The following MYZAP variants were observed in gnomAD, a reference collection of about 807,000 sequenced individuals.
MYZAP encodes myocardial zonula adherens protein, also known as GRINL1A complex locus upstream.
Under a neutral mutation model 69.4 loss-of-function variants are expected in MYZAP, and 66 were observed. That is an observed-to-expected ratio of 0.95 (90% CI 0.78 to 1.17). MYZAP has a LOEUF of 1.17. MYZAP is among the 50% of genes most tolerant of loss of function. The pLI is 0.00. For synonymous variants in MYZAP, 256 were observed against 205.9 expected, an observed-to-expected ratio of 1.24 and a Z score of -2.09; for missense variants, 611 against 556.2, an observed-to-expected ratio of 1.10 and a Z score of -0.99.
intron 10 of MYZAP, among the ~76,000 whole-genome samples, chr15:57,642,389 A>G (rs1389564555): frequency 6.6e-6 from 1 of 152,208 alleles, no homozygotes; most frequent in Non-Finnish European, 1.5e-5. Context: ...AAAAATCCGG[A>G]GTACTGAATT....
chr15:57,592,765 A>T (rs934103446), intron 1 of MYZAP, among the ~76,000 whole-genome samples: 2 of 152,168 alleles, frequency 1.3e-5, no homozygotes, highest in African/African-American at 4.8e-5. Context: ...TCTTTGTGGC[A>T]TCTTTTCCCA....
rs77509975 is a variant in MYZAP at position 57,603,268 on chromosome 15, C to T, written c.76-1001C>T. On this transcript the variant is annotated intron_variant, in intron 1 of 12. Coordinates refer to ENST00000267853, the MANE Select transcript of MYZAP (RefSeq NM_001018100.5). ...ATTTTCTTCTCCTAAGCCTTTCCAG[C>T]TAACTGTCTTACTTTTAGTCTGTAT... 6.5e-3 allele frequency among the ~76,000 whole-genome samples: 991 copies of T among 152,184 alleles called. 7 individuals are homozygous for T. The highest frequency in any genetic ancestry group is 0.011 in the Non-Finnish European group (753 of 68,022).
chr15:57,634,868 T>C (rs1187175270), intron 8 of MYZAP, among the ~76,000 whole-genome samples: 2 of 152,192 alleles, frequency 1.3e-5, no homozygotes, highest in Admixed American at 6.5e-5. Context: ...ACATTAGTAT[T>C]GACCAGAGGG....
intron 2 of MYZAP, among the ~76,000 whole-genome samples, chr15:57,609,745 G>T (rs1321299345): frequency 6.6e-6 from 1 of 152,200 alleles, no homozygotes; most frequent in African/African-American, 2.4e-5. Flanking sequence ...GGAGGATGCT[G>T]ATTAGTTTGT....
chr15:57,621,061 A>T (rs1481496856), intron 3 of MYZAP, among the ~76,000 whole-genome samples: 1 of 148,056 alleles, frequency 6.8e-6, no homozygotes, highest in Non-Finnish European at 1.5e-5. Context: ...TGTATATAAA[A>T]TATATACATA....
chr15:57,636,691 G>C (rs765376908), intron 8 of MYZAP, among the ~76,000 whole-genome samples: 7 of 152,138 alleles, frequency 4.6e-5, no homozygotes, highest in Non-Finnish European at 1.0e-4. Flanking sequence ...GTTATGACAG[G>C]CACCATGTTT....
chr15:57,643,547 A>G (rs1023931521), intron 10 of MYZAP, among the ~76,000 whole-genome samples: 8 of 152,254 alleles, frequency 5.3e-5, no homozygotes, highest in Non-Finnish European at 1.0e-4. Context: ...CCACAGAGTC[A>G]TTCACACCCT....
chr15:57,593,188 G>GCATGCGCGCGCGCGCGCGCGCGCGCACA lies in MYZAP; in HGVS notation c.75+1081_75+1082insTGCGCGCGCGCGCGCGCGCGCGCACACA. Among the ~76,000 whole-genome samples, 13 of 114,202 alleles carry GCATGCGCGCGCGCGCGCGCGCGCGCACA rather than the reference G, an allele frequency of 1.1e-4. 1 individual carries two copies. Among genetic ancestry groups the GCATGCGCGCGCGCGCGCGCGCGCGCACA allele is most frequent in the Admixed American group, 4.3e-4 (5 of 11,582 alleles). 74.9% of individuals were successfully genotyped at this position (114,202 alleles called of 152,430 possible). A position where few individuals can be genotyped will look rare whatever the true frequency, so the allele number is the denominator to read the frequency against. On this transcript the variant is annotated intron_variant, in intron 1 of 12. Transcript: ENST00000267853. ...AGACACTTAGGTTGTGTACACAGGC[G>GCATGCGCGCGCGCGCGCGCGCGCGCACA]CACACACACACACACACACACACAC...
At chr15:57,649,633 A>G (rs1486776183) in intron 10 of MYZAP, among the ~76,000 whole-genome samples, 1 of 152,180 alleles carries the variant, frequency 6.6e-6, no homozygotes, top group Non-Finnish European at 1.5e-5. Flanking sequence ...GGGTGCCATT[A>G]TCTTCTCCTA....
chr15:57,617,060 A>C (rs75714709), intron 2 of MYZAP, among the ~76,000 whole-genome samples: 2,237 of 151,778 alleles, frequency 0.015, 29 homozygotes, highest in South Asian at 0.045. Context: ...TTGTGGAGGC[A>C]CCTACTCTGT....
intron 2 of MYZAP, among the ~76,000 whole-genome samples, chr15:57,608,739 A>G (rs2034917764): frequency 6.6e-6 from 1 of 152,248 alleles, no homozygotes. Flanking sequence ...TGCCAAAGCC[A>G]GTGGCCCTGG....
At chr15:57,634,616 T>C (rs1244954548) in intron 8 of MYZAP, among the ~76,000 whole-genome samples, 6 of 152,180 alleles carry the variant, frequency 3.9e-5, no homozygotes, top group Non-Finnish European at 8.8e-5. Context: ...GCTAATGGTG[T>C]TTGCAGCATA....
chr15:57,676,058 G>C (rs993936081), intron 12 of MYZAP, among the ~76,000 whole-genome samples: 1 of 152,096 alleles, frequency 6.6e-6, no homozygotes, highest in African/African-American at 2.4e-5. Flanking sequence ...TGGAATACCT[G>C]GTTCTTGTCC....
chr15:57,644,024 C>T (rs2037311829), intron 10 of MYZAP, among the ~76,000 whole-genome samples: 1 of 152,230 alleles, frequency 6.6e-6, no homozygotes, highest in Non-Finnish European at 1.5e-5. Context: ...CCAAGCTACA[C>T]ATTGGAATCA....
Position 57,632,450 on chromosome 15 carries a change from A to C in MYZAP, c.695A>C (p.Glu232Ala), listed in dbSNP as rs1229679590. 6.2e-7 allele frequency: 1 copy of C among 1,614,020 alleles called. No homozygotes were observed. Among genetic ancestry groups the C allele is most frequent in the East Asian group, 2.2e-5 (1 of 44,886 alleles). Reference protein sequence around the residue: ...LLKMKVESSQEANAEVMREMT... With the variant: ...LLKMKVESSQAANAEVMREMT... ...TCGTTGTAGGTGGAATCGTCCCAAG[A>C]AGCCAATGCTGAGGTGATGCGAGAG... The change falls in exon 7 of 13, where the codon GAA (glutamate) becomes GCA (alanine). Residue 232 changes from glutamate to alanine, a missense_variant. Physicochemically the swap from Glu to Ala is moderately radical, Grantham distance 107. Transcript: ENST00000267853.
intron 12 of MYZAP, among the ~76,000 whole-genome samples, chr15:57,677,915 A>G (rs1234939883): frequency 1.3e-5 from 2 of 152,236 alleles, no homozygotes; most frequent in East Asian, 3.9e-4. Flanking sequence ...TACATAAAGC[A>G]TTTAGAGACT....
intron 10 of MYZAP, chr15:57,648,525 T>G (rs2037563864): frequency 3.5e-5 from 34 of 973,086 alleles, no homozygotes; most frequent in South Asian, 4.7e-5. Context: ...AAGGTATTAT[T>G]CGCCCAGTTT....
intron 10 of MYZAP, among the ~76,000 whole-genome samples, chr15:57,653,996 C>T (rs991685375): frequency 1.3e-4 from 9 of 70,876 alleles, no homozygotes; most frequent in African/African-American, 2.5e-4. Context: ...CAGAGGCAAA[C>T]GCTGTCAAAA....
intron 2 of MYZAP, among the ~76,000 whole-genome samples, chr15:57,612,123 G>T (rs1482126819): frequency 2.0e-5 from 3 of 152,244 alleles, no homozygotes; most frequent in African/African-American, 7.2e-5. Flanking sequence ...CTGCCTGCAA[G>T]ATGGGCAGGG....
Sources: gnomAD v4.1 joint callset for allele counts (sites outside exome capture counted in the v4.1 genomes callset) on GRCh38, gnomAD v4.1.1 for gene constraint, MANE v1.5 for transcripts, NCBI Gene and HGNC (gene_info 2026-07-23, HGNC 2026-07-21) for gene names.